The following PRKN variants were observed in gnomAD, a reference collection of about 807,000 sequenced individuals.
PRKN encodes the protein E3 ubiquitin-protein ligase parkin.
Under a neutral mutation model 59.5 loss-of-function variants are expected in PRKN, and 56 were observed. The ratio of observed to expected loss-of-function variants is 0.94; its 90% CI spans 0.76 to 1.18. The LOEUF is 1.18. PRKN is among the 50% of genes most tolerant of loss of function. The pLI is 0.00. For missense variants in PRKN, 657 were observed against 596.4 expected, an observed-to-expected ratio of 1.10 and a Z score of -1.06; for synonymous variants, 250 against 222.1, an observed-to-expected ratio of 1.13 and a Z score of -1.12.
chr6:162,370,320 T>C (rs764593801), intron 2 of PRKN, among the ~76,000 whole-genome samples: 5 of 152,134 alleles, frequency 3.3e-5, no homozygotes, highest in Non-Finnish European at 5.9e-5. Context: ...CAGAGATTTT[T>C]TTTTAATATA....
chr6:161,415,592 G>GGGGGGGGGGGGGGGCCCCCCCCCCCCCCC (rs1787802621), intron 9 of PRKN, among the ~76,000 whole-genome samples: 1 of 36,212 alleles, frequency 2.8e-5, no homozygotes, highest in Non-Finnish European at 5.4e-5. Flanking sequence ...AGGAAATGTC[G>GGGGGGGGGGGGGGGCCCCCCCCCCCCCCC]CCCCCCCCCC....
At chr6:161,877,498 C>T (rs543264797) in intron 6 of PRKN, among the ~76,000 whole-genome samples, 2 of 146,652 alleles carry the variant, frequency 1.4e-5, no homozygotes, top group East Asian at 2.0e-4. Context: ...CTCGTTGTGT[C>T]ACCCAGGCTG....
intron 2 of PRKN, among the ~76,000 whole-genome samples, chr6:162,422,557 T>C (rs767044516): frequency 3.3e-5 from 5 of 152,086 alleles, no homozygotes; most frequent in African/African-American, 4.8e-5. Context: ...AAAATGACTT[T>C]GGGTCACAGA....
At chr6:161,570,302 A>G (rs1235965035) in intron 7 of PRKN, among the ~76,000 whole-genome samples, 1 of 146,980 alleles carries the variant, frequency 6.8e-6, no homozygotes, top group Non-Finnish European at 1.5e-5. Context: ...ATAATTTTAT[A>G]GAATTATATA....
intron 2 of PRKN, among the ~76,000 whole-genome samples, chr6:162,365,270 T>C (rs896902171): frequency 2.6e-5 from 4 of 152,302 alleles, no homozygotes; most frequent in South Asian, 2.1e-4. Context: ...TGTTCTGTAA[T>C]GTGCTTTTTC....
At chr6:162,266,848 C>G (rs929743515) in intron 2 of PRKN, among the ~76,000 whole-genome samples, 2 of 152,128 alleles carry the variant, frequency 1.3e-5, no homozygotes, top group African/African-American at 4.8e-5. Context: ...TAATCTTGTA[C>G]ATGAATAAGG....
At chr6:161,430,809 C>T (rs1361988664) in intron 9 of PRKN, among the ~76,000 whole-genome samples, 20 of 90,192 alleles carry the variant, frequency 2.2e-4, no homozygotes, top group Non-Finnish European at 2.9e-4. Flanking sequence ...AGCCAGACTC[C>T]GTCTCAAAAA....
At chr6:162,272,166 CAG>C (rs1293215304) in intron 2 of PRKN, among the ~76,000 whole-genome samples, 4 of 152,106 alleles carry the variant, frequency 2.6e-5, no homozygotes, top group African/African-American at 9.7e-5. Context: ...CCAGCAACTG[CAG>C]TAAGTGATTT....
intron 9 of PRKN, among the ~76,000 whole-genome samples, chr6:161,426,656 C>CAT (rs1386452614): frequency 9.1e-6 from 1 of 110,374 alleles, no homozygotes; most frequent in African/African-American, 3.5e-5. Flanking sequence ...CACACACACA[C>CAT]ACACACACAC....
intron 8 of PRKN, among the ~76,000 whole-genome samples, chr6:161,565,514 T>G (rs1295064320): frequency 6.6e-6 from 1 of 152,136 alleles, no homozygotes; most frequent in Non-Finnish European, 1.5e-5. Flanking sequence ...TGATGGTGAA[T>G]GAGTCCTCAC....
intron 2 of PRKN, among the ~76,000 whole-genome samples, chr6:162,430,899 T>C (rs1347625880): frequency 6.6e-6 from 1 of 152,176 alleles, no homozygotes; most frequent in African/African-American, 2.4e-5. Flanking sequence ...CAAAAATTTC[T>C]TCTGATTTAA....
intron 1 of PRKN, among the ~76,000 whole-genome samples, chr6:162,628,373 G>A (rs1428152768): frequency 6.6e-6 from 1 of 151,998 alleles, no homozygotes; most frequent in Non-Finnish European, 1.5e-5. Context: ...GAAGAAAGGA[G>A]GCCACCCTTT....
Position 161,348,281 on chromosome 6 carries a change from C to T in PRKN, c.*1818G>A, listed in dbSNP as rs114587790. The T allele has an allele frequency of 5.5e-3, 1,122 of 203,182 alleles. 18 individuals carry two copies. Among genetic ancestry groups the T allele is most frequent in the African/African-American group, 0.024 (1,054 of 43,576 alleles). The allele number at this position is 203,182 out of a possible 1,614,324, so 12.6% of individuals were successfully genotyped here. ...TCAGGGTCTGGACTCAGTATGGACA[C>T]GAGCCACTGGGTGCAGGGGGCTCAT... On this transcript the variant is annotated 3_prime_UTR_variant, in exon 12 of 12. Transcript: ENST00000366898. The surrounding 1 kb of genome is among the most constrained non-coding windows in gnomAD (Gnocchi z 4.9).
intron 1 of PRKN, among the ~76,000 whole-genome samples, chr6:162,710,651 T>C (rs974148985): frequency 1.3e-5 from 2 of 152,152 alleles, no homozygotes; most frequent in Non-Finnish European, 2.9e-5. Flanking sequence ...ATTACACATT[T>C]GCACGGCCTA....
chr6:162,649,884 C>A (rs960176845), intron 1 of PRKN, among the ~76,000 whole-genome samples: 7 of 152,036 alleles, frequency 4.6e-5, no homozygotes, highest in African/African-American at 1.7e-4. Flanking sequence ...TTCTCTACTA[C>A]TTTATTTTTT....
intron 4 of PRKN, among the ~76,000 whole-genome samples, chr6:162,138,624 A>C (rs1781646838): frequency 6.6e-6 from 1 of 152,206 alleles, no homozygotes; most frequent in Non-Finnish European, 1.5e-5. Context: ...ATATTTAGCT[A>C]CTATTACAAA....
intron 2 of PRKN, among the ~76,000 whole-genome samples, chr6:162,288,901 G>A (rs1285688707): frequency 6.6e-6 from 1 of 152,182 alleles, no homozygotes; most frequent in Non-Finnish European, 1.5e-5. Flanking sequence ...ACGGGCTCTT[G>A]AAGCTTAGGT....
At chr6:161,663,922 C>T (rs958136823) in intron 7 of PRKN, among the ~76,000 whole-genome samples, 2 of 152,144 alleles carry the variant, frequency 1.3e-5, no homozygotes, top group African/African-American at 4.8e-5. Flanking sequence ...GCTTTGGCTC[C>T]GCCCCTAGCT....
chr6:161,605,507 CCT>C (rs1315789247), intron 7 of PRKN, among the ~76,000 whole-genome samples: 1 of 142,372 alleles, frequency 7.0e-6, no homozygotes, highest in African/African-American at 3.1e-5. Flanking sequence ...AAGGGGCTGC[CCT>C]CTCTCTTTTT....
Sources: allele counts gnomAD v4.1 joint callset (sites outside exome capture counted in the v4.1 genomes callset), GRCh38; gene constraint gnomAD v4.1.1; non-coding constraint Gnocchi (gnomAD v3.1); transcripts MANE v1.5; gene names NCBI Gene and HGNC (gene_info 2026-07-23, HGNC 2026-07-21).